The following LRRC4C variants were observed in gnomAD, a reference collection of about 807,000 sequenced individuals.
LRRC4C encodes leucine-rich repeat-containing protein 4C.
LRRC4C carries 5 observed loss-of-function variants against 33.6 expected under a neutral mutation model. The ratio of observed to expected loss-of-function variants is 0.15; its 90% CI spans 0.08 to 0.31. LRRC4C has a LOEUF of 0.31. Among genes scored for constraint, LRRC4C ranks in the 10% least tolerant of loss-of-function variants. The pLI, the probability that LRRC4C is intolerant of heterozygous loss-of-function variation, is 1.00. For synonymous variants in LRRC4C, 329 were observed against 302.0 expected (o/e 1.09, Z -0.93); for missense variants, 560 against 796.7 (o/e 0.70, Z 3.58).
At chr11:40,247,683 T>C (rs1310854497) in intron 4 of LRRC4C, among the ~76,000 whole-genome samples, 1 of 152,168 alleles carries the variant, frequency 6.6e-6, no homozygotes, top group Non-Finnish European at 1.5e-5. Flanking sequence ...TTTTGTTGGT[T>C]TGTTTTTCTG....
At chr11:40,573,528 G>T (rs1163837768) in intron 3 of LRRC4C, among the ~76,000 whole-genome samples, 2 of 151,984 alleles carry the variant, frequency 1.3e-5, no homozygotes, top group Non-Finnish European at 2.9e-5. Flanking sequence ...TCAGTTCCAG[G>T]TTTGACACCA....
intron 3 of LRRC4C, among the ~76,000 whole-genome samples, chr11:40,456,414 T>C (rs1440116249): frequency 6.7e-6 from 1 of 149,552 alleles, no homozygotes; most frequent in East Asian, 2.0e-4. Flanking sequence ...ATCTTAAACA[T>C]AAAAGTCAAG....
intron 3 of LRRC4C, among the ~76,000 whole-genome samples, chr11:40,525,778 A>T (rs1956022074): frequency 6.6e-6 from 1 of 152,086 alleles, no homozygotes; most frequent in Non-Finnish European, 1.5e-5. Context: ...AAATGCACAT[A>T]CCAAGCCAAC....
At chr11:41,202,298 G>T (rs138078583) in intron 1 of LRRC4C, among the ~76,000 whole-genome samples, 70 of 152,238 alleles carry the variant, frequency 4.6e-4, no homozygotes, top group Non-Finnish European at 7.8e-4. Flanking sequence ...AAATGATTTG[G>T]ATTTCTCATC....
intron 2 of LRRC4C, among the ~76,000 whole-genome samples, chr11:40,714,548 T>A (rs1946617167): frequency 6.6e-6 from 1 of 152,212 alleles, no homozygotes; most frequent in East Asian, 1.9e-4. Flanking sequence ...ATATCCTCTG[T>A]ATCGCTGTTC....
rs1554934483 is a variant in LRRC4C at position 41,448,122 on chromosome 11, G to GGTTTTTTTTTTTTTTTTTTTTTTTTTTT, written c.-496+11308_-496+11309insAAAAAAAAAAAAAAAAAAAAAAAAAAAC. ...ACAAACGAGGCTGCTGCACACGTCT[G>GGTTTTTTTTTTTTTTTTTTTTTTTTTTT]TTTTTTTTTTTTTTTTTTTTGGAGC... On this transcript the variant is annotated intron_variant, in intron 1 of 6. Transcript: ENST00000528697. Among the ~76,000 whole-genome samples, 160 of 46,888 alleles carry GGTTTTTTTTTTTTTTTTTTTTTTTTTTT rather than the reference G, an allele frequency of 3.4e-3. 21 individuals are homozygous for GGTTTTTTTTTTTTTTTTTTTTTTTTTTT. The highest frequency in any genetic ancestry group is 7.4e-3 in the South Asian group (11 of 1,484). The allele number at this position is 46,888 out of a possible 152,430, so 30.8% of individuals were successfully genotyped here.
At chr11:40,321,672 G>A (rs1454425538) in intron 3 of LRRC4C, among the ~76,000 whole-genome samples, 1 of 152,132 alleles carries the variant, frequency 6.6e-6, no homozygotes, top group East Asian at 1.9e-4. Context: ...CTACTTCTGG[G>A]CCAGTACATA....
chr11:41,122,611 TA>T (rs1255698801), intron 1 of LRRC4C, among the ~76,000 whole-genome samples: 1 of 151,976 alleles, frequency 6.6e-6, no homozygotes, highest in African/African-American at 2.4e-5. Flanking sequence ...AGATTATATG[TA>T]AAAATAAATA....
intron 1 of LRRC4C, among the ~76,000 whole-genome samples, chr11:41,242,111 C>CT (rs1021468715): frequency 1.3e-5 from 2 of 151,868 alleles, no homozygotes; most frequent in Non-Finnish European, 2.9e-5. Context: ...AGTATTTTGC[C>CT]TTTTTTGCAA....
intron 1 of LRRC4C, among the ~76,000 whole-genome samples, chr11:41,228,659 C>T (rs1198904187): frequency 6.6e-6 from 1 of 152,052 alleles, no homozygotes; most frequent in Non-Finnish European, 1.5e-5. Flanking sequence ...TTTTTTGCTT[C>T]AGGCAAATAA....
intron 1 of LRRC4C, among the ~76,000 whole-genome samples, chr11:41,039,104 T>C (rs1281035140): frequency 1.3e-5 from 2 of 152,194 alleles, no homozygotes; most frequent in African/African-American, 4.8e-5. Context: ...TATTTTTTTG[T>C]ATATGGTGAA....
chr11:40,822,339 GTT>G (rs531126883), intron 2 of LRRC4C, among the ~76,000 whole-genome samples: 4 of 142,546 alleles, frequency 2.8e-5, no homozygotes, highest in African/African-American at 5.1e-5. Flanking sequence ...TTGATTCTAG[GTT>G]TTTTTTTTTT....
chr11:40,304,966 G>A lies in LRRC4C; in HGVS notation c.-176+14662C>T, dbSNP rs150626816. On this transcript the variant is annotated intron_variant, in intron 4 of 6. Transcript: ENST00000528697. ...TTTTTAGTAGAGACAGGGTTTCACC[G>A]TGTTTAGCCAGGATGGTCTCAATCT... Among the ~76,000 whole-genome samples, 62 of 152,148 alleles carry A rather than the reference G, an allele frequency of 4.1e-4. 1 individual carries two copies. In the East Asian group the frequency reaches 8.8e-3, roughly 21 times the overall value.
At chr11:40,160,933 C>A (rs1479420810) in intron 5 of LRRC4C, among the ~76,000 whole-genome samples, 1 of 152,174 alleles carries the variant, frequency 6.6e-6, no homozygotes, top group Non-Finnish European at 1.5e-5. Flanking sequence ...CCTCAGTCTG[C>A]GACTTCAGGC....
intron 1 of LRRC4C, among the ~76,000 whole-genome samples, chr11:41,242,619 T>G (rs2136562736): frequency 6.6e-6 from 1 of 152,298 alleles, no homozygotes; most frequent in Middle Eastern, 3.4e-3. Context: ...AATAATTTAT[T>G]AATCATTCAT....
At chr11:40,318,430 G>T (rs1945681258) in intron 4 of LRRC4C, among the ~76,000 whole-genome samples, 1 of 152,046 alleles carries the variant, frequency 6.6e-6, no homozygotes. Context: ...AAGGAGCAGG[G>T]TTCATTCATT....
chr11:40,199,308 T>G (rs1400893973), intron 5 of LRRC4C, among the ~76,000 whole-genome samples: 2 of 152,140 alleles, frequency 1.3e-5, no homozygotes, highest in Non-Finnish European at 2.9e-5. Flanking sequence ...TGACCTCAAG[T>G]GATCCACCCA....
intron 1 of LRRC4C, among the ~76,000 whole-genome samples, chr11:41,176,050 C>T (rs988251658): frequency 2.0e-5 from 3 of 152,090 alleles, no homozygotes; most frequent in African/African-American, 4.8e-5. Context: ...GTTTACTGCA[C>T]CTTTAACTGT....
At chr11:40,332,124 G>A (rs543819893) in intron 3 of LRRC4C, among the ~76,000 whole-genome samples, 2 of 152,238 alleles carry the variant, frequency 1.3e-5, no homozygotes, top group South Asian at 4.1e-4. Context: ...TCCTAGGGCG[G>A]CCATAACAAA....
Sources: gnomAD v4.1 joint callset for allele counts (sites outside exome capture counted in the v4.1 genomes callset) on GRCh38, gnomAD v4.1.1 for gene constraint, MANE v1.5 for transcripts, NCBI Gene and HGNC (gene_info 2026-07-23, HGNC 2026-07-21) for gene names.